Variants in ZBTB7C observed in about 807,000 individuals in gnomAD.
ZBTB7C encodes the protein zinc finger and BTB domain containing 7C, also known as zinc finger and BTB domain-containing protein 7C.
ZBTB7C carries 8 observed loss-of-function variants against 25.7 expected under a neutral mutation model. That is an observed-to-expected ratio of 0.31 (90% confidence interval 0.18 to 0.56). The LOEUF is 0.56. Ranked by LOEUF, ZBTB7C falls within the 20% of genes least tolerant of loss-of-function variation. The pLI is 0.91. For missense variants in ZBTB7C, 824 were observed against 855.2 expected (o/e 0.96, Z 0.46); for synonymous variants, 394 against 369.0 (o/e 1.07, Z -0.78).
chr18:48,063,903 ATT>A (rs1568187927), intron 3 of ZBTB7C, among the ~76,000 whole-genome samples: 1 of 151,618 alleles, frequency 6.6e-6, no homozygotes, highest in Non-Finnish European at 1.5e-5. Context: ...ATTATATATA[ATT>A]TATAATTGAT....
At chr18:48,266,244 C>G (rs956579444) in intron 2 of ZBTB7C, among the ~76,000 whole-genome samples, 1 of 152,140 alleles carries the variant, frequency 6.6e-6, no homozygotes, top group Non-Finnish European at 1.5e-5. Context: ...CCTCCGATCC[C>G]ACAACTCATG....
intron 2 of ZBTB7C, among the ~76,000 whole-genome samples, chr18:48,300,704 T>C (rs1382291164): frequency 1.3e-5 from 2 of 152,196 alleles, no homozygotes; most frequent in Non-Finnish European, 2.9e-5. Context: ...CCTGTTCCTT[T>C]CAAACCTCCA....
At chr18:48,322,685 C>A (rs2046126101) in intron 2 of ZBTB7C, among the ~76,000 whole-genome samples, 1 of 152,194 alleles carries the variant, frequency 6.6e-6, no homozygotes, top group Non-Finnish European at 1.5e-5. Flanking sequence ...TCCAGCAATT[C>A]CACTACTGGG....
rs28540689 is a variant in ZBTB7C at position 48,223,912 on chromosome 18, A to G, written c.-78-37917T>C. Reference sequence around the variant, plus strand: ...ACATGTCCCAGAAAACCTTGGAGACAGAAGCGGCTCACAGGATGTATGTGG... The same window carrying G: ...ACATGTCCCAGAAAACCTTGGAGACGGAAGCGGCTCACAGGATGTATGTGG... On this transcript the variant is annotated intron_variant, in intron 2 of 4. Coordinates refer to ENST00000590800, the MANE Select transcript of ZBTB7C (RefSeq NM_001318841.2). 8.6e-3 allele frequency among the ~76,000 whole-genome samples: 1,308 copies of G among 152,344 alleles called. 22 individuals are homozygous for G. The highest frequency in any genetic ancestry group is 0.03 in the African/African-American group (1,252 of 41,580).
At chr18:48,320,074 A>G (rs1010361022) in intron 2 of ZBTB7C, among the ~76,000 whole-genome samples, 4 of 152,076 alleles carry the variant, frequency 2.6e-5, no homozygotes, top group African/African-American at 9.7e-5. Context: ...GAAATGAGGA[A>G]GATTCAGGAG....
intron 2 of ZBTB7C, among the ~76,000 whole-genome samples, chr18:48,329,416 G>A (rs1026503025): frequency 6.6e-6 from 1 of 152,196 alleles, no homozygotes; most frequent in Non-Finnish European, 1.5e-5. Flanking sequence ...AGAGCTAGGC[G>A]CTGCTGTTGC....
rs555500639 is a variant in ZBTB7C, at chr18:48,306,571, C to T, written c.-79+31603G>A. On this transcript the variant is annotated intron_variant, in intron 2 of 4. Transcript: ENST00000590800. The stretch of plus-strand genomic sequence containing the variant: ...TAATGAACAGTCCAGTATTCAGGTA[C>T]CTGGAATTTACTAGGCTCTGACTTC... Among the ~76,000 whole-genome samples the T allele has an allele frequency of 3.3e-5, 5 of 152,272 alleles. No homozygotes were observed. The South Asian group carries it at 8.3e-4, about 25-fold the overall frequency.
At chr18:48,243,271 A>AAAAC (rs2043582073) in intron 2 of ZBTB7C, among the ~76,000 whole-genome samples, 1 of 11,074 alleles carries the variant, frequency 9.0e-5, no homozygotes, top group Non-Finnish European at 4.4e-4. Flanking sequence ...ACCCCCCCAC[A>AAAAC]AAAAAAAAAA....
intron 1 of ZBTB7C, among the ~76,000 whole-genome samples, chr18:48,355,473 G>A (rs1438212289): frequency 6.6e-6 from 1 of 152,152 alleles, no homozygotes; most frequent in Admixed American, 6.5e-5. Flanking sequence ...GACCTTCCAC[G>A]TTCTGGCTCC....
At chr18:48,128,099 C>T (rs915098195) in intron 3 of ZBTB7C, among the ~76,000 whole-genome samples, 12 of 152,350 alleles carry the variant, frequency 7.9e-5, no homozygotes, top group African/African-American at 2.9e-4. Flanking sequence ...TACAGGAAAT[C>T]ACTCCTGCCT....
intron 3 of ZBTB7C, among the ~76,000 whole-genome samples, chr18:48,175,537 T>G (rs2041642376): frequency 6.6e-6 from 1 of 152,168 alleles, no homozygotes; most frequent in Non-Finnish European, 1.5e-5. Context: ...AGTACATGGA[T>G]GTATAGGTGT....
At chr18:48,285,246 C>T (rs539923509) in intron 2 of ZBTB7C, among the ~76,000 whole-genome samples, 1 of 152,310 alleles carries the variant, frequency 6.6e-6, no homozygotes, top group East Asian at 1.9e-4. Context: ...AAATCTCTTA[C>T]AGTAATTGTA....
At chr18:48,274,470 C>T (rs1310979154) in intron 2 of ZBTB7C, among the ~76,000 whole-genome samples, 1 of 152,146 alleles carries the variant, frequency 6.6e-6, no homozygotes, top group Non-Finnish European at 1.5e-5. Flanking sequence ...CCATCTCTAC[C>T]AGGATGACTC....
At chr18:48,101,050 C>G (rs2038812643) in intron 3 of ZBTB7C, among the ~76,000 whole-genome samples, 1 of 152,038 alleles carries the variant, frequency 6.6e-6, no homozygotes, top group East Asian at 1.9e-4. Context: ...GTCCTCAGCC[C>G]TCTCTGACTC....
chr18:48,063,211 G>T (rs1054068758), intron 3 of ZBTB7C, among the ~76,000 whole-genome samples: 1 of 152,188 alleles, frequency 6.6e-6, no homozygotes, highest in Non-Finnish European at 1.5e-5. Flanking sequence ...GGTCACCCTC[G>T]TTCATCTCCG....
intron 2 of ZBTB7C, among the ~76,000 whole-genome samples, chr18:48,336,704 T>A (rs540456035): frequency 6.6e-6 from 1 of 152,310 alleles, no homozygotes; most frequent in Admixed American, 6.5e-5. Flanking sequence ...GTTAGCCTCC[T>A]GAGACTACAA....
rs531523996 is a variant in ZBTB7C, at chr18:48,325,073, C to T, written c.-79+13101G>A. Among the ~76,000 whole-genome samples, 20 of 152,282 alleles carry T rather than the reference C, an allele frequency of 1.3e-4. No homozygotes were observed. The East Asian group carries it at 3.9e-3, about 29-fold the overall frequency. ...TTGGCCACACTGAGTTTGAAAGGTGCTGTGCATGGTAACATGGGATTGAAT... is the reference window on the plus strand; with the variant it reads ...TTGGCCACACTGAGTTTGAAAGGTGTTGTGCATGGTAACATGGGATTGAAT... On this transcript the variant is annotated intron_variant, in intron 2 of 4. Coordinates refer to ENST00000590800, the MANE Select transcript of ZBTB7C (RefSeq NM_001318841.2).
rs2047631064 is a variant in ZBTB7C, at chr18:48,381,412, G to GTT, written c.-304+27813_-304+27814insAA. On this transcript the variant is annotated intron_variant, in intron 1 of 4. Transcript: ENST00000590800. ...AGAAGAGATTTAGATAACTGGTAGA[G>GTT]ATCCAGAGGTTGAAGTAGTAATAAG... Among the ~76,000 whole-genome samples the GTT allele has an allele frequency of 2.0e-5, 3 of 152,208 alleles. No individual in the cohort carries two copies. The South Asian group carries it at 6.2e-4, about 32-fold the overall frequency.
chr18:48,319,243 T>C (rs1272789876), intron 2 of ZBTB7C, among the ~76,000 whole-genome samples: 1 of 151,918 alleles, frequency 6.6e-6, no homozygotes, highest in Non-Finnish European at 1.5e-5. Context: ...AGAGACAGTG[T>C]AGTACAAGGT....
Sources: gnomAD v4.1 joint callset for allele counts (sites outside exome capture counted in the v4.1 genomes callset) on GRCh38, gnomAD v4.1.1 for gene constraint, MANE v1.5 for transcripts, NCBI Gene and HGNC (gene_info 2026-07-23, HGNC 2026-07-21) for gene names.